ACTR3B: variants seen among roughly 807,000 people sequenced by gnomAD.
ACTR3B encodes actin-related protein 3B.
In ACTR3B, 8 loss-of-function variants were observed where a neutral mutation model predicts 59.0. That is an observed-to-expected ratio of 0.14 (90% CI 0.08 to 0.24). The LOEUF is 0.24. ACTR3B is among the 10% of genes least tolerant of loss of function. The probability of loss-of-function intolerance (pLI) is 1.00; values close to 1 mark genes in which losing one functional copy is unlikely to be tolerated. For missense variants in ACTR3B, 245 were observed against 552.3 expected (o/e 0.44, Z 5.58); for synonymous variants, 148 against 197.9 (o/e 0.75, Z 2.12).
chr7:152,847,368 G>A (rs1021429021), intron 9 of ACTR3B, among the ~76,000 whole-genome samples: 5 of 152,230 alleles, frequency 3.3e-5, no homozygotes, highest in African/African-American at 1.2e-4. Flanking sequence ...TGTTTAGGCT[G>A]TTGAAGTTTG....
chr7:152,850,717 C>T (rs1452434745), intron 9 of ACTR3B, among the ~76,000 whole-genome samples: 1 of 152,228 alleles, frequency 6.6e-6, no homozygotes, highest in East Asian at 1.9e-4. Flanking sequence ...AGACTACTCT[C>T]ATATCATATA....
rs79359468 is a variant in ACTR3B, at chr7:152,854,231, C to T, written c.1162-227C>T. Among the ~76,000 whole-genome samples the T allele has an allele frequency of 0.027, 4,139 of 152,188 alleles. 84 individuals carry two copies. The highest frequency in any genetic ancestry group is 0.099 in the Middle Eastern group (29 of 294). On this transcript the variant is annotated intron_variant, in intron 11 of 11. Transcript: ENST00000256001. This position sits in a 1 kb window ranked among gnomAD's most constrained non-coding sequence, Gnocchi z 4.9. ...AGCTCACACATTGTTAGTGGGGGAC[C>T]GGCATTTGGTTGGTCCTAAGAAGAT...
chr7:152,851,555 G>A (rs115426434), intron 9 of ACTR3B, among the ~76,000 whole-genome samples: 5,553 of 152,258 alleles, frequency 0.036, 340 homozygotes, highest in African/African-American at 0.12. Context: ...CAGGCGGAGC[G>A]GGACAGGCGA....
intron 9 of ACTR3B, among the ~76,000 whole-genome samples, chr7:152,830,628 A>G (rs1221567268): frequency 6.6e-6 from 1 of 152,192 alleles, no homozygotes; most frequent in Admixed American, 6.5e-5. Flanking sequence ...AGCTCACTGC[A>G]GCCTCGACCT....
chr7:152,773,572 GT>G (rs1227997130), intron 1 of ACTR3B, among the ~76,000 whole-genome samples: 1 of 151,832 alleles, frequency 6.6e-6, no homozygotes, highest in African/African-American at 2.4e-5. Context: ...GGGCAACAGA[GT>G]GACTCTGTCT....
chr7:152,786,502 G>A (rs540242777), intron 2 of ACTR3B: 6 of 155,634 alleles, frequency 3.9e-5, no homozygotes, highest in Non-Finnish European at 7.0e-5. Context: ...GCAGTGAGCC[G>A]AAATTGCACC....
chr7:152,854,607 C>T lies in ACTR3B; in HGVS notation c.*54C>T. 1 of 1,573,590 alleles carries T rather than the reference C, an allele frequency of 6.4e-7. No homozygotes were observed. The highest frequency in any genetic ancestry group is 8.7e-7 in the Non-Finnish European group (1 of 1,145,122). On this transcript the variant is annotated 3_prime_UTR_variant, in exon 12 of 12. Transcript: ENST00000256001. This position sits in a 1 kb window ranked among gnomAD's most constrained non-coding sequence, Gnocchi z 4.9. ...GTCACGTTGGGGAACAAGTGTCCTT[C>T]AGAACCCAGAGAAGGCCGCCGTTCT...
rs889059884 is a variant in ACTR3B at position 152,816,389 on chromosome 7, T to C, written c.433-92T>C. ...GAAAGAGTTACTCAGACATATTAAGTAAGAGAGTTTGTTGATTGGACCTGG... is the reference window on the plus strand; with the variant it reads ...GAAAGAGTTACTCAGACATATTAAGCAAGAGAGTTTGTTGATTGGACCTGG... On this transcript the variant is annotated intron_variant, in intron 5 of 11. Coordinates refer to ENST00000256001, the MANE Select transcript of ACTR3B (RefSeq NM_020445.6). The C allele has an allele frequency of 4.9e-5, 54 of 1,096,500 alleles. No individual in the cohort carries two copies. In the African/African-American group the frequency reaches 7.1e-4, roughly 14 times the overall value. The allele number at this position is 1,096,500 out of a possible 1,614,324, so 67.9% of individuals were successfully genotyped here. A position where few individuals can be genotyped will look rare whatever the true frequency, so the allele number is the denominator to read the frequency against.
At chr7:152,812,444 GAACCCATA>G (rs1336443260) in intron 4 of ACTR3B, 1 of 119,962 alleles carries the variant, frequency 8.3e-6, no homozygotes, top group Non-Finnish European at 1.9e-5. Context: ...AATAGTTCAT[GAACCCATA>G]CATTTTGGCT....
chr7:152,808,015 C>G (rs1254778325), intron 4 of ACTR3B, among the ~76,000 whole-genome samples: 4 of 152,200 alleles, frequency 2.6e-5, no homozygotes, highest in African/African-American at 9.7e-5. Flanking sequence ...AACTCTGTCC[C>G]CGTTGAACAC....
At chr7:152,822,677 C>T (rs184724097) in intron 7 of ACTR3B, among the ~76,000 whole-genome samples, 1,657 of 152,314 alleles carry the variant, frequency 0.011, 10 homozygotes, top group East Asian at 0.033. Flanking sequence ...CTGTGTGTTT[C>T]GCTACCTTGT....
At chr7:152,763,573 G>A (rs2098097721) in intron 1 of ACTR3B, among the ~76,000 whole-genome samples, 1 of 151,756 alleles carries the variant, frequency 6.6e-6, no homozygotes, top group South Asian at 2.1e-4. Context: ...ACAGGCATGA[G>A]CCACCATGCC....
Position 152,784,952 on chromosome 7 carries a change from A to G in ACTR3B, c.100+1710A>G, listed in dbSNP as rs956718552. On this transcript the variant is annotated intron_variant, in intron 2 of 11. Transcript: ENST00000256001. ...CTGTGGGGACATGGTTCAGTCCATGACAATTGGTGTTCTGTAGGATGAATC... is the reference window on the plus strand; with the variant it reads ...CTGTGGGGACATGGTTCAGTCCATGGCAATTGGTGTTCTGTAGGATGAATC... Among the ~76,000 whole-genome samples the G allele has an allele frequency of 2.2e-4, 33 of 152,094 alleles. 1 individual carries two copies. Among genetic ancestry groups the G allele is most frequent in the African/African-American group, 7.0e-4 (29 of 41,418 alleles).
At chr7:152,778,053 T>C (rs2116579028) in intron 1 of ACTR3B, among the ~76,000 whole-genome samples, 1 of 152,210 alleles carries the variant, frequency 6.6e-6, no homozygotes, top group East Asian at 1.9e-4. Flanking sequence ...TTCCTAACAG[T>C]GTAAAATCAG....
chr7:152,789,879 G>C (rs1176977750), intron 2 of ACTR3B, among the ~76,000 whole-genome samples: 3 of 150,134 alleles, frequency 2.0e-5, no homozygotes, highest in African/African-American at 7.4e-5. Context: ...TCTATTCCTA[G>C]TTTAATCTGA....
At chr7:152,849,448 A>C (rs901805468) in intron 9 of ACTR3B, among the ~76,000 whole-genome samples, 2 of 152,192 alleles carry the variant, frequency 1.3e-5, no homozygotes, top group South Asian at 2.1e-4. Flanking sequence ...ACAATATATT[A>C]GCCTTGACCT....
intron 1 of ACTR3B, among the ~76,000 whole-genome samples, chr7:152,767,348 A>G (rs144109456): frequency 0.014 from 2,126 of 151,968 alleles, 54 homozygotes; most frequent in African/African-American, 0.048. Flanking sequence ...GAGTTAGTCT[A>G]TTGGTCTGTT....
chr7:152,822,927 G>C (rs1796289261), intron 7 of ACTR3B, among the ~76,000 whole-genome samples: 1 of 152,230 alleles, frequency 6.6e-6, no homozygotes, highest in African/African-American at 2.4e-5. Context: ...TGTAGACAGT[G>C]CCGCACTCGG....
At chr7:152,800,316 T>C (rs572032057) in intron 2 of ACTR3B, among the ~76,000 whole-genome samples, 1 of 152,414 alleles carries the variant, frequency 6.6e-6, no homozygotes, top group South Asian at 2.1e-4. Context: ...CTCATTTCCT[T>C]TGTCCCATTC....
Sources: allele counts gnomAD v4.1 joint callset (sites outside exome capture counted in the v4.1 genomes callset), GRCh38; gene constraint gnomAD v4.1.1; non-coding constraint Gnocchi (gnomAD v3.1); transcripts MANE v1.5; gene names NCBI Gene and HGNC (gene_info 2026-07-23, HGNC 2026-07-21).